The following COL20A1 variants were observed in gnomAD, a reference collection of about 807,000 sequenced individuals.
COL20A1 encodes collagen type XX alpha 1 chain.
In COL20A1, 164 loss-of-function variants were observed where a neutral mutation model predicts 152.9. The observed-to-expected ratio is 1.07, with a 90% CI of 0.94 to 1.22. The LOEUF (loss-of-function observed/expected upper bound fraction) is 1.22. Ranked by LOEUF, COL20A1 falls within the 50% of genes most tolerant of loss-of-function variation. COL20A1 has a pLI of 0.00. For missense variants in COL20A1, 1,873 were observed against 1,744.8 expected, an observed-to-expected ratio of 1.07 and a Z score of -1.31; for synonymous variants, 864 against 756.0, an observed-to-expected ratio of 1.14 and a Z score of -2.34.
chr20:63,296,597 G>C (rs879445756), intron 2 of COL20A1, among the ~76,000 whole-genome samples: 1 of 152,196 alleles, frequency 6.6e-6, no homozygotes, highest in Non-Finnish European at 1.5e-5. Flanking sequence ...CCAGTGCCCT[G>C]CTCAGGCCCC....
At chr20:63,314,293 C>T (rs561842723) in intron 19 of COL20A1, 92 bp downstream of exon 19, 1 of 1,144,962 alleles carries the variant, frequency 8.7e-7, no homozygotes, top group East Asian at 2.6e-5. Flanking sequence ...TCATCCAACC[C>T]CAGACCCAGC....
Position 63,331,140 on chromosome 20 carries a change from GGCCTCATCTAA to G in COL20A1, c.*429_*439del, listed in dbSNP as rs1568793796. ...ACAACATGCCCCGCCCCTTTCTCTG[GGCCTCATCTAA>G]GCCTGGCCAGGGCCCTGTGGGCCCG... On this transcript the variant is annotated 3_prime_UTR_variant, in exon 36 of 36. Transcript: ENST00000358894. The G allele has an allele frequency of 1.3e-5, 2 of 152,334 alleles. No individual in the cohort carries two copies. The highest frequency in any genetic ancestry group is 4.1e-4 in the South Asian group (2 of 4,824). 9.4% of individuals were successfully genotyped at this position (152,334 alleles called of 1,614,324 possible).
At position 63,319,266 on chromosome 20, in the gene COL20A1, T is replaced by TG. The variant is rs1417663624; in HGVS notation, c.2806+69dup. ...TAGGGGCAGGGAGGCCCCAGAGCCC[T>TG]GGGAGGCCTTCAGAGGAAGTCCAGC... is the stretch of plus-strand genomic sequence containing the variant. On this transcript the variant is annotated intron_variant, in intron 22 of 35. Transcript: ENST00000358894. This position sits in a 1 kb window ranked among gnomAD's most constrained non-coding sequence, Gnocchi z 4.4. The TG allele has an allele frequency of 1.6e-5, 25 of 1,521,750 alleles. No homozygotes were observed. The East Asian group carries it at 5.8e-4, about 35-fold the overall frequency. The allele number at this position is 1,521,750 out of a possible 1,614,324, so 94.3% of individuals were successfully genotyped here.
intron 34 of COL20A1, among the ~76,000 whole-genome samples, chr20:63,328,869 C>T (rs2068294409): frequency 6.7e-6 from 1 of 148,840 alleles, no homozygotes; most frequent in Non-Finnish European, 1.5e-5. Context: ...TCTTATCCTC[C>T]TGGCTGCTGC....
chr20:63,312,115 C>A, intron 14 of COL20A1, 60 bp downstream of exon 14: 1 of 1,485,334 alleles, frequency 6.7e-7, no homozygotes, highest in East Asian at 2.3e-5. Context: ...CCCTGTCTGG[C>A]AGGCATGGGG....
rs2068041394 is a variant in COL20A1 at position 63,313,357 on chromosome 20, T to C, written c.2209+108T>C. On this transcript the variant is annotated intron_variant, in intron 17 of 35. Coordinates refer to ENST00000358894, the MANE Select transcript of COL20A1 (RefSeq NM_020882.4). The surrounding 1 kb of genome is among the most constrained non-coding windows in gnomAD (Gnocchi z 5.9). Reference sequence around the variant, plus strand: ...CAGGACCCTAGACTCCCAGAACTGCTGGCTCCAGAGCCCTGATCACTGGGC... The same window carrying C: ...CAGGACCCTAGACTCCCAGAACTGCCGGCTCCAGAGCCCTGATCACTGGGC... 1 of 1,250,430 alleles carries C rather than the reference T, an allele frequency of 8.0e-7. No individual in the cohort carries two copies. Among genetic ancestry groups the C allele is most frequent in the African/African-American group, 1.5e-5 (1 of 66,568 alleles). 77.5% of individuals were successfully genotyped at this position (1,250,430 alleles called of 1,614,324 possible).
At chr20:63,295,395 C>T (rs970951704) in intron 2 of COL20A1, among the ~76,000 whole-genome samples, 1 of 152,278 alleles carries the variant, frequency 6.6e-6, no homozygotes, top group Non-Finnish European at 1.5e-5. Context: ...GGGAGCACAT[C>T]TCTGTGGTTT....
chr20:63,334,624 G>A lies in COL20A1; in HGVS notation c.*3908G>A, dbSNP rs6011757. 0.55 allele frequency: 83,701 copies of A among 152,058 alleles called. 23,967 individuals are homozygous for A. Among genetic ancestry groups the A allele is most frequent in the Non-Finnish European group, 0.64 (43,578 of 67,996 alleles). 9.4% of individuals were successfully genotyped at this position (152,058 alleles called of 1,614,324 possible). A position where few individuals can be genotyped will look rare whatever the true frequency, so the allele number is the denominator to read the frequency against. ...TTTTAAATAGAGACAGGGTGTTGCC[G>A]TGTTACCCAGGCTGGTCTTGAACTT... On this transcript the variant is annotated 3_prime_UTR_variant, in exon 36 of 36. Transcript: ENST00000358894.
At chr20:63,293,631 G>C (rs944307503) in intron 1 of COL20A1, among the ~76,000 whole-genome samples, 1 of 152,136 alleles carries the variant, frequency 6.6e-6, no homozygotes, top group African/African-American at 2.4e-5. Flanking sequence ...CCAGGTTTCT[G>C]GGGTGGGAGG....
At chr20:63,314,531 C>T (rs1374897871) in intron 19 of COL20A1, among the ~76,000 whole-genome samples, 6 of 152,164 alleles carry the variant, frequency 3.9e-5, no homozygotes, top group Non-Finnish European at 8.8e-5. Context: ...GGCATCCATC[C>T]CAACCTTCCA....
chr20:63,305,575 T>G lies in COL20A1; in HGVS notation c.337+15T>G. 6.3e-7 allele frequency: 1 copy of G among 1,580,602 alleles called. No homozygotes were observed. ...GGAGTTTGTGAGTAAGTCCACCGTC[T>G]GCCAGCTGGGTACCCACTCCTCCAG... is the stretch of plus-strand genomic sequence containing the variant. On this transcript the variant is annotated intron_variant, in intron 4 of 35. Transcript: ENST00000358894. The surrounding 1 kb of genome is among the most constrained non-coding windows in gnomAD (Gnocchi z 4.9).
intron 1 of COL20A1, among the ~76,000 whole-genome samples, chr20:63,294,124 CAGGGGAGCGGAGTGTG>C (rs2067752746): frequency 2.0e-5 from 1 of 49,958 alleles, no homozygotes; most frequent in Admixed American, 2.1e-4. Flanking sequence ...AGCGGGAGTG[CAGGGGAGCGGAGTGTG>C]AGGGGAGGGG....
chr20:63,311,968 G>A lies in COL20A1; in HGVS notation c.1716G>A (p.Ala572=), dbSNP rs374496650. The A allele has an allele frequency of 3.4e-4, 546 of 1,598,518 alleles. 1 individual carries two copies. Among genetic ancestry groups the A allele is most frequent in the Non-Finnish European group, 4.1e-4 (484 of 1,174,450 alleles). ...GCTTCTCAGACGTGAGCCACGACGC[G>A]GCACGAGTGTTCTGGGAGGGTGCCC... ...HLGFSDVSHD[A]ARVFWEGAPR... Residue 572 remains alanine (A), a synonymous_variant, in exon 14 of 36, where the codon GCG becomes GCA. Transcript: ENST00000358894. This position sits in a 1 kb window ranked among gnomAD's most constrained non-coding sequence, Gnocchi z 4.4.
Position 63,311,935 on chromosome 20 carries a change from A to ACAC in COL20A1, c.1685_1687dup (p.His562dup). The ACAC allele has an allele frequency of 6.4e-7, 1 of 1,570,048 alleles. No homozygotes were observed. Among genetic ancestry groups the ACAC allele is most frequent in the Admixed American group, 1.8e-5 (1 of 54,572 alleles). The stretch of plus-strand genomic sequence containing the variant: ...TTGCAGCCACCCTGGCCCCCCCGAG[A>ACAC]CACCTGGGCTTCTCAGACGTGAGCC... On this transcript the variant is annotated inframe_insertion, in exon 14 of 36. Coordinates refer to ENST00000358894, the MANE Select transcript of COL20A1 (RefSeq NM_020882.4). The surrounding 1 kb of genome is among the most constrained non-coding windows in gnomAD (Gnocchi z 4.4).
chr20:63,298,434 G>A (rs925887414), intron 3 of COL20A1, among the ~76,000 whole-genome samples: 1 of 152,098 alleles, frequency 6.6e-6, no homozygotes, highest in African/African-American at 2.4e-5. Flanking sequence ...GGGAGTACAG[G>A]TGCGTGCCAC....
intron 35 of COL20A1, among the ~76,000 whole-genome samples, chr20:63,330,174 G>A (rs2068313633): frequency 1.3e-5 from 2 of 152,256 alleles, no homozygotes; most frequent in South Asian, 4.1e-4. Context: ...GCGCTGGGCA[G>A]GCGGACCCTG....
chr20:63,325,323 G>A, intron 27 of COL20A1, 118 bp from the exon 28 acceptor site: 1 of 802,660 alleles, frequency 1.2e-6, no homozygotes, highest in Non-Finnish European at 2.2e-6. Context: ...AGGCCAGCAG[G>A]GCTCGCCGGG....
rs372675396 is a variant in COL20A1 at position 63,326,149 on chromosome 20, G to C, written c.3456G>C (p.Arg1152Ser). ...TAGLPGPPGPRGFQGMAGARG... is the reference protein window; with the variant it reads ...TAGLPGPPGPSGFQGMAGARG... Reference sequence around the variant, plus strand: ...GCCTGCCTGGACCCCCTGGCCCCAGGGTAGGCACCGACCTCCCATGACCCC... The same window carrying C: ...GCCTGCCTGGACCCCCTGGCCCCAGCGTAGGCACCGACCTCCCATGACCCC... Residue 1152 changes from arginine (R) to serine (S), a missense_variant and splice_region_variant, in exon 30 of 36, where the codon AGG becomes AGC. Physicochemically the swap from Arg to Ser is moderately radical, Grantham distance 110 (BLOSUM62 -1). Transcript: ENST00000358894. The C allele has an allele frequency of 1.1e-5, 18 of 1,611,578 alleles. No individual in the cohort carries two copies. The highest frequency in any genetic ancestry group is 3.3e-4 in the Middle Eastern group (2 of 6,048).
At position 63,307,486 on chromosome 20, in the gene COL20A1, C is replaced by G. The variant is rs751664618; in HGVS notation, c.497-4C>G. On this transcript the variant is annotated splice_region_variant and splice_polypyrimidine_tract_variant and intron_variant, in intron 5 of 35. Transcript: ENST00000358894. The stretch of plus-strand genomic sequence containing the variant: ...TAGCACCTGACCCGCTCCCACCGCC[C>G]CAGCCGGCCCCCAGTTCCGCTGCCT... 2 of 1,610,332 alleles carry G rather than the reference C, an allele frequency of 1.2e-6. No individual in the cohort carries two copies. Among genetic ancestry groups the G allele is most frequent in the Non-Finnish European group, 1.7e-6 (2 of 1,178,896 alleles).
Sources: gnomAD v4.1 joint callset for allele counts (sites outside exome capture counted in the v4.1 genomes callset) on GRCh38, gnomAD v4.1.1 for gene constraint, Gnocchi (gnomAD v3.1) non-coding constraint, MANE v1.5 for transcripts, NCBI Gene and HGNC (gene_info 2026-07-23, HGNC 2026-07-21) for gene names.